The following UCMA variants were observed in gnomAD, a reference collection of about 807,000 sequenced individuals.
UCMA encodes the protein upper zone of growth plate and cartilage matrix associated.
A neutral mutation model predicts 21.8 loss-of-function variants in UCMA; 21 were observed. The observed-to-expected ratio is 0.97, with a 90% CI of 0.68 to 1.39. UCMA has a LOEUF of 1.39. Among genes scored for constraint, UCMA ranks in the 40% most tolerant of loss-of-function variants. UCMA has a pLI of 0.00. For synonymous variants in UCMA, 76 were observed against 67.9 expected (o/e 1.12, Z -0.58); for missense variants, 193 against 178.9 (o/e 1.08, Z -0.45).
intron 4 of UCMA, among the ~76,000 whole-genome samples, chr10:13,222,697 T>C (rs891692066): frequency 6.6e-6 from 1 of 152,002 alleles, no homozygotes; most frequent in Non-Finnish European, 1.5e-5. Context: ...CTTTCTTGTT[T>C]TGTTTTGTTT....
rs574415602 is a variant in UCMA, at chr10:13,228,738, G to C, written c.319+873C>G. Among the ~76,000 whole-genome samples the C allele has an allele frequency of 9.2e-5, 14 of 152,090 alleles. No individual in the cohort carries two copies. The East Asian group carries it at 2.3e-3, about 25-fold the overall frequency. On this transcript the variant is annotated intron_variant, in intron 4 of 4. Coordinates refer to ENST00000378681, the MANE Select transcript of UCMA (RefSeq NM_145314.3). ...CCTGCCAGAGCTAAGCCTAAGTGTT[G>C]GTGCTTAGACGGAGAACACAGACCA...
At chr10:13,233,058 G>C (rs1179751404) in intron 3 of UCMA, among the ~76,000 whole-genome samples, 1 of 152,116 alleles carries the variant, frequency 6.6e-6, no homozygotes, top group Non-Finnish European at 1.5e-5. Context: ...GCTGTCCCCA[G>C]ACCCACATTT....
chr10:13,222,149 T>C lies in UCMA; in HGVS notation c.371A>G (p.Tyr124Cys). 6.2e-7 allele frequency: 1 copy of C among 1,614,168 alleles called. No individual in the cohort carries two copies. The highest frequency in any genetic ancestry group is 2.2e-5 in the East Asian group (1 of 44,880). ...EAVEQWRQWH[Y>C]DGLHPSYLYN... ...GAGATAGGATGGGTGCAGGCCGTCA[T>C]AGTGCCACTGGCGCCACTGCTCCAC... Residue 124 changes from tyrosine to cysteine, a missense_variant, in exon 5 of 5, where the codon TAT becomes TGT. Physicochemically the swap from Tyr to Cys is radical, Grantham distance 194. Coordinates refer to ENST00000378681, the MANE Select transcript of UCMA (RefSeq NM_145314.3).
rs1198868180 is a variant in UCMA, at chr10:13,233,650, G to A, written c.125-17C>T. On this transcript the variant is annotated splice_polypyrimidine_tract_variant and intron_variant, in intron 2 of 4. Coordinates refer to ENST00000378681, the MANE Select transcript of UCMA (RefSeq NM_145314.3). Reference sequence around the variant, plus strand: ...GTTTTGCATCTGAAACCCGGGAGAGGCCTGTCACCAGCAGTGTGGGGGTGC... The same window carrying A: ...GTTTTGCATCTGAAACCCGGGAGAGACCTGTCACCAGCAGTGTGGGGGTGC... 6.2e-7 allele frequency: 1 copy of A among 1,614,036 alleles called. No individual in the cohort carries two copies. The highest frequency in any genetic ancestry group is 8.5e-7 in the Non-Finnish European group (1 of 1,179,966).
rs577296009 is a variant in UCMA, at chr10:13,230,487, A to G, written c.221-778T>C. ...GGTATTTCCCCCAACACGAGCTTCA[A>G]CTGGAGAAACCCATGAAGCCAGGGA... On this transcript the variant is annotated intron_variant, in intron 3 of 4. Transcript: ENST00000378681. 1.1e-3 allele frequency among the ~76,000 whole-genome samples: 168 copies of G among 152,290 alleles called. 1 individual carries two copies. The highest frequency in any genetic ancestry group is 3.5e-3 in the African/African-American group (147 of 41,562).
intron 4 of UCMA, among the ~76,000 whole-genome samples, chr10:13,224,971 C>A (rs1490487315): frequency 6.6e-6 from 1 of 152,198 alleles, no homozygotes; most frequent in South Asian, 2.1e-4. Context: ...TCAGCTCTTT[C>A]GGGCATTTCT....
chr10:13,224,213 A>G lies in UCMA; in HGVS notation c.320-2013T>C, dbSNP rs963854289. Among the ~76,000 whole-genome samples the G allele has an allele frequency of 5.9e-5, 9 of 152,024 alleles. No homozygotes were observed. In the East Asian group the frequency reaches 1.6e-3, roughly 26 times the overall value. On this transcript the variant is annotated intron_variant, in intron 4 of 4. Coordinates refer to ENST00000378681, the MANE Select transcript of UCMA (RefSeq NM_145314.3). ...GTGATAGCACTTGCCTATAGTCCCAACTACTTGGGAGGCTGAGTTGGGAGG... is the reference window on the plus strand; with the variant it reads ...GTGATAGCACTTGCCTATAGTCCCAGCTACTTGGGAGGCTGAGTTGGGAGG...
chr10:13,225,993 TC>T (rs1159919159), intron 4 of UCMA, among the ~76,000 whole-genome samples: 1 of 152,140 alleles, frequency 6.6e-6, no homozygotes, highest in Admixed American at 6.5e-5. Flanking sequence ...GCTTTATCTT[TC>T]TCACTCACTC....
intron 3 of UCMA, 28 bp downstream of exon 3, chr10:13,233,510 C>T (rs7893239): frequency 4.4e-6 from 7 of 1,589,404 alleles, no homozygotes; most frequent in Non-Finnish European, 5.2e-6. Flanking sequence ...GTGATGGACG[C>T]GGGATGGGGT....
rs1450099939 is a variant in UCMA at position 13,227,728 on chromosome 10, A to G, written c.319+1883T>C. 6.6e-5 allele frequency among the ~76,000 whole-genome samples: 9 copies of G among 135,596 alleles called. No homozygotes were observed. The East Asian group carries it at 2.0e-3, about 30-fold the overall frequency. 89.0% of individuals were successfully genotyped at this position (135,596 alleles called of 152,430 possible). On this transcript the variant is annotated intron_variant, in intron 4 of 4. Transcript: ENST00000378681. ...TGAGACTGTCTCAAAAAAAAAAAAA[A>G]AAAAGGAAAGGAAATACACACACAC...
At chr10:13,224,428 G>GA (rs1834798823) in intron 4 of UCMA, among the ~76,000 whole-genome samples, 4 of 151,062 alleles carry the variant, frequency 2.6e-5, no homozygotes, top group South Asian at 2.1e-4. Flanking sequence ...AAAGGAAAAG[G>GA]AAGAAAGAAA....
intron 3 of UCMA, among the ~76,000 whole-genome samples, chr10:13,232,383 AAAAAAAAAAAAAG>A (rs1834910862): frequency 1.3e-5 from 2 of 150,094 alleles, no homozygotes; most frequent in African/African-American, 4.9e-5. Context: ...AAAAAAAAAA[AAAAAAAAAAAAAG>A]AGGACAGAAG....
chr10:13,231,286 G>T (rs1834896555), intron 3 of UCMA, among the ~76,000 whole-genome samples: 1 of 152,094 alleles, frequency 6.6e-6, no homozygotes, highest in Non-Finnish European at 1.5e-5. Context: ...CTGGCAGAAG[G>T]GGTTGGTTAT....
In UCMA at chr10:13,222,053, A is replaced by G; in HGVS notation, c.*50T>C. 6.3e-7 allele frequency: 1 copy of G among 1,595,532 alleles called. No homozygotes were observed. The highest frequency in any genetic ancestry group is 8.6e-7 in the Non-Finnish European group (1 of 1,163,636). On this transcript the variant is annotated 3_prime_UTR_variant, in exon 5 of 5. Coordinates refer to ENST00000378681, the MANE Select transcript of UCMA (RefSeq NM_145314.3). ...TGGGAAAGATTGCTGGAACACGGGG[A>G]TGCCAATGGTGCTACAAGCTTTGTC...
rs532375827 is a variant in UCMA, at chr10:13,223,396, G to T, written c.320-1196C>A. Among the ~76,000 whole-genome samples, 10 of 152,250 alleles carry T rather than the reference G, an allele frequency of 6.6e-5. No individual in the cohort carries two copies. The East Asian group carries it at 1.5e-3, about 24-fold the overall frequency. ...CAACAAAGAAATGGATAAACAAAAT[G>T]TGGTGTGTATGTGTAAAATTTCGCC... On this transcript the variant is annotated intron_variant, in intron 4 of 4. Transcript: ENST00000378681.
At chr10:13,231,433 G>A (rs1253563532) in intron 3 of UCMA, among the ~76,000 whole-genome samples, 4 of 152,176 alleles carry the variant, frequency 2.6e-5, no homozygotes, top group Non-Finnish European at 5.9e-5. Flanking sequence ...GTTCCCACAC[G>A]CCACTGCTGG....
chr10:13,229,383 G>C (rs1482163585), intron 4 of UCMA, among the ~76,000 whole-genome samples: 3 of 151,910 alleles, frequency 2.0e-5, no homozygotes, highest in East Asian at 1.9e-4. Flanking sequence ...AGGGGCATCT[G>C]TAATCCCAGC....
intron 4 of UCMA, among the ~76,000 whole-genome samples, chr10:13,228,454 G>C (rs1834852963): frequency 6.6e-6 from 1 of 152,296 alleles, no homozygotes; most frequent in African/African-American, 2.4e-5. Flanking sequence ...ATTTTCAGGT[G>C]ATCTGATGCT....
intron 4 of UCMA, among the ~76,000 whole-genome samples, chr10:13,224,669 C>T (rs993779193): frequency 9.2e-5 from 14 of 152,310 alleles, no homozygotes; most frequent in African/African-American, 3.4e-4. Context: ...GTGGCGATGG[C>T]CAACAGGACC....
Sources: allele counts gnomAD v4.1 joint callset (sites outside exome capture counted in the v4.1 genomes callset), GRCh38; gene constraint gnomAD v4.1.1; transcripts MANE v1.5; gene names NCBI Gene and HGNC (gene_info 2026-07-23, HGNC 2026-07-21).